The following GRIN2A variants were observed in gnomAD, a reference collection of about 807,000 sequenced individuals.
The protein encoded by GRIN2A is glutamate receptor ionotropic, NMDA 2A.
A neutral mutation model predicts 113.4 loss-of-function variants in GRIN2A; 22 were observed. The ratio of observed to expected loss-of-function variants is 0.19; its 90% CI spans 0.14 to 0.28. The LOEUF (loss-of-function observed/expected upper bound fraction) is 0.28, where lower values mean the gene tolerates loss of function less well. Ranked by LOEUF, GRIN2A falls within the 10% of genes least tolerant of loss-of-function variation. The pLI is 1.00. For missense variants in GRIN2A, 1,502 were observed against 1,887.0 expected (o/e 0.80, Z 3.78); for synonymous variants, 827 against 738.4 (o/e 1.12, Z -1.94).
intron 11 of GRIN2A, among the ~76,000 whole-genome samples, chr16:9,788,994 G>T (rs966768807): frequency 6.6e-6 from 1 of 151,956 alleles, no homozygotes; most frequent in Admixed American, 6.6e-5. Context: ...CACCCTCCTC[G>T]GCCTCTCAAA....
chr16:9,952,828 A>G (rs1201802128), intron 2 of GRIN2A, among the ~76,000 whole-genome samples: 8 of 152,276 alleles, frequency 5.3e-5, no homozygotes, highest in Non-Finnish European at 1.0e-4. Flanking sequence ...AAGTCAGGCA[A>G]CAAGAAAGTG....
chr16:10,023,405 C>A (rs557350993), intron 2 of GRIN2A, among the ~76,000 whole-genome samples: 6 of 152,116 alleles, frequency 3.9e-5, no homozygotes, highest in Admixed American at 3.3e-4. Context: ...AATGACCCTT[C>A]GAAGTGGGTA....
chr16:9,829,393 CAGAT>C (rs2042445919), intron 9 of GRIN2A, 26 bp downstream of exon 9: 1 of 1,445,874 alleles, frequency 6.9e-7, no homozygotes, highest in East Asian at 2.3e-5. Flanking sequence ...GACCAACCCT[CAGAT>C]GGAGAGGAAA....
chr16:9,875,036 C>A (rs2043337012), intron 4 of GRIN2A, among the ~76,000 whole-genome samples: 1 of 151,630 alleles, frequency 6.6e-6, no homozygotes, highest in African/African-American at 2.4e-5. Flanking sequence ...CTGCAGTGAG[C>A]CACTCCAGGG....
Position 9,840,813 on chromosome 16 carries a change from CAAAAAAA to C in GRIN2A, c.1498-20_1498-14del, listed in dbSNP as rs745951746. 5.4e-4 allele frequency: 587 copies of C among 1,083,386 alleles called. No homozygotes were observed. The highest frequency in any genetic ancestry group is 6.1e-4 in the Non-Finnish European group (499 of 817,276). The allele number at this position is 1,083,386 out of a possible 1,614,324, so 67.1% of individuals were successfully genotyped here. Reference sequence around the variant, plus strand: ...GTTGATAGACCACCTGGATGCAAGGCAAAAAAAAAAAAAAAAAAAAGAGAGAGAGAGA... The same window carrying C: ...GTTGATAGACCACCTGGATGCAAGGCAAAAAAAAAAAAAGAGAGAGAGAGA... On this transcript the variant is annotated splice_polypyrimidine_tract_variant and intron_variant, in intron 6 of 12. Coordinates refer to ENST00000330684, the MANE Select transcript of GRIN2A (RefSeq NM_001134407.3).
chr16:9,853,584 T>C (rs2042919863), intron 4 of GRIN2A, among the ~76,000 whole-genome samples: 3 of 152,162 alleles, frequency 2.0e-5, no homozygotes, highest in African/African-American at 7.2e-5. Context: ...ACCCAGTCTA[T>C]GGTATTCTGT....
chr16:9,780,957 C>T (rs1047352475), intron 11 of GRIN2A, among the ~76,000 whole-genome samples: 18 of 150,112 alleles, frequency 1.2e-4, no homozygotes, highest in Admixed American at 8.0e-4. Flanking sequence ...TTCAAAATAA[C>T]ATGTCACTTT....
At chr16:9,836,798 C>G in intron 7 of GRIN2A, among the ~76,000 whole-genome samples, 1 of 152,216 alleles carries the variant, frequency 6.6e-6, no homozygotes, top group Non-Finnish European at 1.5e-5. Context: ...GTTTAGATAA[C>G]TCTCTATTAC....
chr16:10,009,528 C>T (rs1388053333), intron 2 of GRIN2A, among the ~76,000 whole-genome samples: 1 of 152,078 alleles, frequency 6.6e-6, no homozygotes, highest in African/African-American at 2.4e-5. Flanking sequence ...GACGGCACAA[C>T]CCCTAGACTC....
At chr16:10,084,598 C>T (rs990017149) in intron 2 of GRIN2A, among the ~76,000 whole-genome samples, 1 of 152,054 alleles carries the variant, frequency 6.6e-6, no homozygotes, top group Non-Finnish European at 1.5e-5. Context: ...ATGTTGGGTG[C>T]CTGCCTCTTA....
intron 9 of GRIN2A, 73 bp downstream of exon 9, chr16:9,829,350 T>C: frequency 1.1e-6 from 1 of 942,838 alleles, no homozygotes; most frequent in South Asian, 1.3e-5. Flanking sequence ...GAGAGGCACC[T>C]GAATCTCTTC....
chr16:9,826,669 A>G (rs1487393280), intron 9 of GRIN2A, among the ~76,000 whole-genome samples: 1 of 152,174 alleles, frequency 6.6e-6, no homozygotes, highest in Non-Finnish European at 1.5e-5. Flanking sequence ...TACTCCAGGA[A>G]TTTTGCTGTT....
At chr16:9,944,574 A>G (rs1189178433) in intron 2 of GRIN2A, among the ~76,000 whole-genome samples, 1 of 152,156 alleles carries the variant, frequency 6.6e-6, no homozygotes, top group Non-Finnish European at 1.5e-5. Context: ...ATGTCTTATT[A>G]TTATCCCTGC....
chr16:9,848,617 AT>A (rs2042820092), intron 5 of GRIN2A, among the ~76,000 whole-genome samples: 1 of 147,906 alleles, frequency 6.8e-6, no homozygotes, highest in African/African-American at 2.5e-5. Context: ...GATCTTTTAT[AT>A]TTTTAATATA....
At chr16:10,176,003 C>CTTTT (rs34994079) in intron 2 of GRIN2A, among the ~76,000 whole-genome samples, 12 of 125,870 alleles carry the variant, frequency 9.5e-5, no homozygotes, top group East Asian at 2.1e-4. Context: ...AATTTTCCTT[C>CTTTT]TTTTTTTTTT....
At chr16:9,955,431 G>T (rs947176906) in intron 2 of GRIN2A, among the ~76,000 whole-genome samples, 1 of 151,954 alleles carries the variant, frequency 6.6e-6, no homozygotes, top group Non-Finnish European at 1.5e-5. Context: ...TACCCTCACG[G>T]ATTAGGCAAA....
At chr16:9,979,397 GTGTCTTC>G (rs1403893899) in intron 2 of GRIN2A, among the ~76,000 whole-genome samples, 1 of 152,124 alleles carries the variant, frequency 6.6e-6, no homozygotes, top group Admixed American at 6.6e-5. Context: ...TCCCTCCTCA[GTGTCTTC>G]GCACTGTCTG....
intron 2 of GRIN2A, among the ~76,000 whole-genome samples, chr16:10,157,921 T>A (rs1378917721): frequency 1.3e-5 from 2 of 152,212 alleles, no homozygotes; most frequent in Non-Finnish European, 2.9e-5. Flanking sequence ...TTTGCTGTTA[T>A]CTTCTGCTTA....
chr16:9,790,254 G>A (rs1214901823), intron 11 of GRIN2A, among the ~76,000 whole-genome samples: 10 of 152,166 alleles, frequency 6.6e-5, no homozygotes, highest in Admixed American at 5.2e-4. Flanking sequence ...CAGAACAAAG[G>A]ACCATCACTG....
Sources: gnomAD v4.1 joint callset for allele counts (sites outside exome capture counted in the v4.1 genomes callset) on GRCh38, gnomAD v4.1.1 for gene constraint, MANE v1.5 for transcripts, NCBI Gene and HGNC (gene_info 2026-07-23, HGNC 2026-07-21) for gene names.